Variants in ZNF475 observed in about 807,000 individuals in gnomAD.
ZNF475 encodes the protein zinc finger protein 475.
At chr5:122,167,326 C>T in the ZNF475 span, among the ~76,000 whole-genome samples, 1 of 152,108 alleles carries the variant, frequency 6.6e-6, no homozygotes, top group South Asian at 2.1e-4. Context: ...GGACTTTCTC[C>T]TACAAAAAAT....
the ZNF475 span, among the ~76,000 whole-genome samples, chr5:122,169,524 C>T: frequency 1.3e-5 from 2 of 152,034 alleles, no homozygotes; most frequent in Admixed American, 6.5e-5. Context: ...TCCAGTTTGG[C>T]GTGGCTCAAA....
At chr5:122,161,033 C>A in the ZNF475 span, among the ~76,000 whole-genome samples, 1 of 152,236 alleles carries the variant, frequency 6.6e-6, no homozygotes, top group Non-Finnish European at 1.5e-5. Context: ...CAGAATCTCA[C>A]TGCTCAATGT....
the ZNF475 span, among the ~76,000 whole-genome samples, chr5:122,161,275 G>A: frequency 1.3e-5 from 2 of 152,218 alleles, no homozygotes; most frequent in Non-Finnish European, 2.9e-5. Flanking sequence ...CTCAGCCCAA[G>A]CACCTGCTCT....
At chr5:122,170,199 T>A in the ZNF475 span, among the ~76,000 whole-genome samples, 1 of 152,180 alleles carries the variant, frequency 6.6e-6, no homozygotes, top group African/African-American at 2.4e-5. Context: ...TGTGTGGATT[T>A]TTTCCCCCAC....
the ZNF475 span, among the ~76,000 whole-genome samples, chr5:122,161,760 A>C: frequency 1.3e-5 from 2 of 152,180 alleles, no homozygotes; most frequent in Non-Finnish European, 2.9e-5. Flanking sequence ...TCTGTGACCT[A>C]GAAGCCAACT....
At chr5:122,165,083 C>T in the ZNF475 span, among the ~76,000 whole-genome samples, 285 of 152,318 alleles carry the variant, frequency 1.9e-3, 1 homozygote, top group African/African-American at 6.4e-3. Flanking sequence ...GGCACATTGT[C>T]AGTAATCAGA....
At chr5:122,160,313 G>C in the ZNF475 span, 1 of 1,267,612 alleles carries the variant, frequency 7.9e-7, no homozygotes, top group South Asian at 1.2e-5. Context: ...GGCAACCCAA[G>C]GGAATTTGTG....
the ZNF475 span, among the ~76,000 whole-genome samples, chr5:122,178,314 C>T: frequency 2.7e-4 from 41 of 152,174 alleles, no homozygotes; most frequent in Non-Finnish European, 4.9e-4. Flanking sequence ...CTTGAAGAAT[C>T]GCCACACTGT....
chr5:122,161,092 A>G, the ZNF475 span, among the ~76,000 whole-genome samples: 2 of 152,368 alleles, frequency 1.3e-5, no homozygotes, highest in Middle Eastern at 6.8e-3. Flanking sequence ...AGAGAACTTT[A>G]CTTGGGACTC....
the ZNF475 span, among the ~76,000 whole-genome samples, chr5:122,172,829 C>G: frequency 6.6e-6 from 1 of 151,960 alleles, no homozygotes; most frequent in East Asian, 1.9e-4. Flanking sequence ...GTCAGGAGAT[C>G]GAGACCACCC....
chr5:122,168,133 C>G, the ZNF475 span, among the ~76,000 whole-genome samples: 1 of 152,198 alleles, frequency 6.6e-6, no homozygotes, highest in Non-Finnish European at 1.5e-5. Context: ...CAACCTCTGC[C>G]TCCCAGGTTC....
At chr5:122,167,339 A>C in the ZNF475 span, among the ~76,000 whole-genome samples, 1 of 152,106 alleles carries the variant, frequency 6.6e-6, no homozygotes, top group Admixed American at 6.6e-5. Context: ...CAAAAAATTT[A>C]ATGTCCTGAA....
At chr5:122,169,611 G>T in the ZNF475 span, among the ~76,000 whole-genome samples, 3 of 152,120 alleles carry the variant, frequency 2.0e-5, no homozygotes, top group African/African-American at 7.2e-5. Flanking sequence ...TAGCCACAGA[G>T]AACCATAAAA....
the ZNF475 span, among the ~76,000 whole-genome samples, chr5:122,182,187 T>A: frequency 6.6e-6 from 1 of 152,198 alleles, no homozygotes; most frequent in African/African-American, 2.4e-5. Context: ...AGAATGCATA[T>A]CATACCATGT....
chr5:122,166,186 A>G, the ZNF475 span, among the ~76,000 whole-genome samples: 1 of 152,368 alleles, frequency 6.6e-6, no homozygotes, highest in East Asian at 1.9e-4. Context: ...AAATGGTGTG[A>G]CACAAGGGGA....
At chr5:122,166,382 C>T in the ZNF475 span, among the ~76,000 whole-genome samples, 2 of 151,578 alleles carry the variant, frequency 1.3e-5, no homozygotes, top group Non-Finnish European at 2.9e-5. Flanking sequence ...TTCTAGGGTA[C>T]ATTTGCACAA....
the ZNF475 span, among the ~76,000 whole-genome samples, chr5:122,165,321 C>T: frequency 1.3e-5 from 2 of 152,120 alleles, no homozygotes; most frequent in Non-Finnish European, 2.9e-5. Flanking sequence ...CTGATTCATC[C>T]CAGATATTTA....
At chr5:122,171,473 T>C in the ZNF475 span, among the ~76,000 whole-genome samples, 1 of 152,200 alleles carries the variant, frequency 6.6e-6, no homozygotes, top group African/African-American at 2.4e-5. Flanking sequence ...TACTTGCATT[T>C]GACAAAAAGG....
the ZNF475 span, chr5:122,179,456 A>G: frequency 5.5e-6 from 3 of 549,290 alleles, no homozygotes; most frequent in Non-Finnish European, 3.1e-6. Flanking sequence ...GAAGTCCTTC[A>G]TATCCCTTGT....
Sources: allele counts gnomAD v4.1 joint callset (sites outside exome capture counted in the v4.1 genomes callset), GRCh38; gene constraint gnomAD v4.1.1; transcripts MANE v1.5; gene names NCBI Gene and HGNC (gene_info 2026-07-23, HGNC 2026-07-21).